THSD7B: variants seen among roughly 807,000 people sequenced by gnomAD.
THSD7B encodes thrombospondin type-1 domain-containing protein 7B.
Under a neutral mutation model 213.6 loss-of-function variants are expected in THSD7B, and 138 were observed. The ratio of observed to expected loss-of-function variants is 0.65; its 90% CI spans 0.56 to 0.74. THSD7B has a LOEUF of 0.74. Among genes scored for constraint, THSD7B ranks in the 30% least tolerant of loss-of-function variants. THSD7B has a pLI of 0.00. For synonymous variants in THSD7B, 742 were observed against 687.0 expected (o/e 1.08, Z -1.25); for missense variants, 1,931 against 1,991.5 (o/e 0.97, Z 0.58).
intron 24 of THSD7B, 81 bp downstream of exon 24, chr2:137,657,241 TTATAAAC>T: frequency 7.3e-7 from 1 of 1,368,728 alleles, no homozygotes. Context: ...AGCTTACAAA[TTATAAAC>T]AAGGGGTGAC....
chr2:136,966,282 A>AT (rs1168179421), intron 2 of THSD7B, among the ~76,000 whole-genome samples: 4 of 151,430 alleles, frequency 2.6e-5, no homozygotes, highest in Admixed American at 6.6e-5. Flanking sequence ...CCGTGGCATG[A>AT]TTTTGGCTCA....
At chr2:137,644,237 C>T (rs543446536) in intron 21 of THSD7B, among the ~76,000 whole-genome samples, 7 of 152,286 alleles carry the variant, frequency 4.6e-5, no homozygotes, top group Non-Finnish European at 1.0e-4. Context: ...GCTGACACTT[C>T]TAGTTGGGAA....
intron 15 of THSD7B, among the ~76,000 whole-genome samples, chr2:137,554,379 T>C (rs1036956558): frequency 2.6e-5 from 4 of 152,162 alleles, no homozygotes; most frequent in African/African-American, 9.7e-5. Flanking sequence ...CAATAAACAC[T>C]TAAACAAATG....
chr2:137,404,430 G>GATATATATATAT (rs59001356), intron 12 of THSD7B, among the ~76,000 whole-genome samples: 3 of 49,312 alleles, frequency 6.1e-5, no homozygotes, highest in African/African-American at 1.7e-4. Context: ...GAAACTCTGA[G>GATATATATATAT]ATATATATAT....
intron 12 of THSD7B, among the ~76,000 whole-genome samples, chr2:137,391,686 C>CAA (rs757793857): frequency 5.5e-5 from 6 of 108,180 alleles, no homozygotes; most frequent in Admixed American, 9.6e-5. Context: ...CATTCGGTCT[C>CAA]AAAAAAAAAA....
intron 7 of THSD7B, among the ~76,000 whole-genome samples, chr2:137,221,741 G>A (rs1167543569): frequency 6.6e-6 from 1 of 152,130 alleles, no homozygotes; most frequent in African/African-American, 2.4e-5. Flanking sequence ...CCCATGTACA[G>A]ACATTAAAGT....
At chr2:137,369,909 C>T (rs1310313074) in intron 12 of THSD7B, among the ~76,000 whole-genome samples, 1 of 152,088 alleles carries the variant, frequency 6.6e-6, no homozygotes, top group Non-Finnish European at 1.5e-5. Flanking sequence ...GAGCTTCTGG[C>T]ACATAGTAAG....
chr2:137,499,523 T>C (rs986047689), intron 15 of THSD7B, among the ~76,000 whole-genome samples: 4 of 152,186 alleles, frequency 2.6e-5, no homozygotes, highest in Non-Finnish European at 1.5e-5. Context: ...CAGTTTTGCT[T>C]TGGGTGATCC....
chr2:136,905,575 C>G (rs1426361938), intron 2 of THSD7B, among the ~76,000 whole-genome samples: 2 of 151,926 alleles, frequency 1.3e-5, no homozygotes, highest in Non-Finnish European at 2.9e-5. Flanking sequence ...AATTAACAGT[C>G]AGGTTTGTAG....
chr2:137,669,666 C>T (rs991780837), intron 27 of THSD7B, among the ~76,000 whole-genome samples: 13 of 152,092 alleles, frequency 8.5e-5, no homozygotes, highest in Admixed American at 2.0e-4. Flanking sequence ...GTAGGCCAAC[C>T]CAGTGTAAGG....
chr2:136,808,738 A>G (rs1421312243), intron 1 of THSD7B, among the ~76,000 whole-genome samples: 1 of 152,168 alleles, frequency 6.6e-6, no homozygotes, highest in Non-Finnish European at 1.5e-5. Context: ...AACACATGTA[A>G]TTTTTAGGTT....
intron 3 of THSD7B, among the ~76,000 whole-genome samples, chr2:137,067,417 C>T (rs1451399784): frequency 6.6e-6 from 1 of 152,084 alleles, no homozygotes; most frequent in East Asian, 1.9e-4. Flanking sequence ...TGTTCATTTT[C>T]TGTTGTGTTT....
At chr2:136,863,511 T>C (rs548949257) in intron 1 of THSD7B, among the ~76,000 whole-genome samples, 48 of 152,344 alleles carry the variant, frequency 3.2e-4, no homozygotes, top group Admixed American at 9.2e-4. Context: ...CTGATCTCAT[T>C]AGGTCCTTTT....
chr2:137,182,639 T>C (rs1680476945), intron 7 of THSD7B, among the ~76,000 whole-genome samples: 1 of 152,138 alleles, frequency 6.6e-6, no homozygotes, highest in Admixed American at 6.6e-5. Flanking sequence ...TACTCGCCCA[T>C]CTCTTTGTAA....
At chr2:136,785,672 TTGAGGCAA>T (rs1404458121) in intron 1 of THSD7B, among the ~76,000 whole-genome samples, 1 of 152,186 alleles carries the variant, frequency 6.6e-6, no homozygotes, top group Non-Finnish European at 1.5e-5. Flanking sequence ...AGACTTCCCC[TTGAGGCAA>T]TGAGCAACTC....
intron 2 of THSD7B, among the ~76,000 whole-genome samples, chr2:136,952,852 G>T (rs1415671857): frequency 6.6e-6 from 1 of 152,034 alleles, no homozygotes; most frequent in African/African-American, 2.4e-5. Flanking sequence ...TTAAGATAGT[G>T]GTTTACCTTC....
chr2:136,891,535 T>C (rs1164232102), intron 2 of THSD7B, among the ~76,000 whole-genome samples: 2 of 152,146 alleles, frequency 1.3e-5, no homozygotes, highest in Non-Finnish European at 2.9e-5. Context: ...AATACAGTGG[T>C]TTAAAAAGAT....
At chr2:137,383,430 A>G (rs549886065) in intron 12 of THSD7B, among the ~76,000 whole-genome samples, 5 of 152,170 alleles carry the variant, frequency 3.3e-5, no homozygotes, top group African/African-American at 1.2e-4. Context: ...TATAAGGCCT[A>G]TGCATCAGAC....
rs542815573 is a variant in THSD7B, at chr2:137,602,557, C to T, written c.3424-13618C>T. Among the ~76,000 whole-genome samples, 92 of 152,224 alleles carry T rather than the reference C, an allele frequency of 6.0e-4. 1 individual carries two copies. Among genetic ancestry groups the T allele is most frequent in the Middle Eastern group, 3.4e-3 (1 of 294 alleles). On this transcript the variant is annotated intron_variant, in intron 17 of 27. Coordinates refer to ENST00000409968, the MANE Select transcript of THSD7B (RefSeq NM_001316349.2). ...TGCTGGGATTACAGGCGTGAGCCAC[C>T]GCGCCCTGCCAAAGAAAGACATTTC...
Sources: gnomAD v4.1 joint callset for allele counts (sites outside exome capture counted in the v4.1 genomes callset) on GRCh38, gnomAD v4.1.1 for gene constraint, MANE v1.5 for transcripts, NCBI Gene and HGNC (gene_info 2026-07-23, HGNC 2026-07-21) for gene names.